AP2B1: variants seen among roughly 807,000 people sequenced by gnomAD.
AP2B1 encodes AP-2 complex subunit beta.
In AP2B1, 23 loss-of-function variants were observed where a neutral mutation model predicts 102.0. The ratio of observed to expected loss-of-function variants is 0.23; its 90% CI spans 0.16 to 0.32. The LOEUF is 0.32. Among genes scored for constraint, AP2B1 ranks in the 10% least tolerant of loss-of-function variants. The probability of loss-of-function intolerance (pLI) is 1.00; values close to 1 mark genes in which losing one functional copy is unlikely to be tolerated. For missense variants in AP2B1, 541 were observed against 1,157.4 expected, an observed-to-expected ratio of 0.47 and a Z score of 7.73; for synonymous variants, 381 against 421.2, an observed-to-expected ratio of 0.90 and a Z score of 1.17.
Position 35,672,010 on chromosome 17 carries a change from T to C in AP2B1, c.2178+110T>C, listed in dbSNP as rs2075599952. On this transcript the variant is annotated intron_variant, in intron 16 of 21. Transcript: ENST00000610402. ...GGTAATAAATCAAAGGTTTGGGCCCTTGTTCTGGAGGACTTAGAGGAAGAT... is the reference window on the plus strand; with the variant it reads ...GGTAATAAATCAAAGGTTTGGGCCCCTGTTCTGGAGGACTTAGAGGAAGAT... The C allele has an allele frequency of 4.6e-6, 6 of 1,295,522 alleles. No individual in the cohort carries two copies. The South Asian group carries it at 6.3e-5, about 14-fold the overall frequency. The allele number at this position is 1,295,522 out of a possible 1,614,324, so 80.3% of individuals were successfully genotyped here.
rs369824252 is a variant in AP2B1, at chr17:35,624,381, C to T, written c.526-16C>T. 53 of 1,613,232 alleles carry T rather than the reference C, an allele frequency of 3.3e-5. No homozygotes were observed. The African/African-American group carries it at 5.5e-4, about 17-fold the overall frequency. ...CTGTTCTTGGTGAATCAAGGTCATA[C>T]CCCCTTCTTTTCCAGGTGGTGGCTA... On this transcript the variant is annotated splice_polypyrimidine_tract_variant and intron_variant, in intron 5 of 21. Transcript: ENST00000610402.
intron 12 of AP2B1, among the ~76,000 whole-genome samples, chr17:35,648,766 G>GTGTGTGTGTGTA (rs1567897325): frequency 6.8e-6 from 1 of 147,718 alleles, no homozygotes; most frequent in African/African-American, 2.5e-5. Flanking sequence ...GTGTGTGTGT[G>GTGTGTGTGTGTA]TGTGTGTGAC....
chr17:35,613,567 T>G (rs575366164), intron 5 of AP2B1, among the ~76,000 whole-genome samples: 45 of 152,332 alleles, frequency 3.0e-4, no homozygotes, highest in South Asian at 2.3e-3. Flanking sequence ...AGCTTTATGT[T>G]CATGTTGTTT....
At position 35,609,604 on chromosome 17, in the gene AP2B1, C is replaced by T. The variant is rs114796363; in HGVS notation, c.525+1217C>T. 8.4e-3 allele frequency among the ~76,000 whole-genome samples: 1,286 copies of T among 152,238 alleles called. 11 individuals are homozygous for T. Among genetic ancestry groups the T allele is most frequent in the African/African-American group, 0.026 (1,065 of 41,540 alleles). On this transcript the variant is annotated intron_variant, in intron 5 of 21. Coordinates refer to ENST00000610402, the MANE Select transcript of AP2B1 (RefSeq NM_001030006.2). ...CCTCGTGATCCACCTGACATGGCCT[C>T]CCAAAGTGTTGGGATTACATGTGTG...
chr17:35,661,095 C>A (rs2075348600), intron 14 of AP2B1, among the ~76,000 whole-genome samples: 1 of 152,062 alleles, frequency 6.6e-6, no homozygotes, highest in Non-Finnish European at 1.5e-5. Flanking sequence ...CTAACAGAAC[C>A]TCACCCATAG....
chr17:35,680,618 G>A (rs934563298), intron 17 of AP2B1, among the ~76,000 whole-genome samples: 9 of 151,588 alleles, frequency 5.9e-5, no homozygotes, highest in Non-Finnish European at 1.2e-4. Context: ...TGATCCACTC[G>A]CCTGGCCTGG....
In AP2B1 at chr17:35,641,170, C is replaced by T. The variant is rs763535211; in HGVS notation, c.1438-707C>T. On this transcript the variant is annotated intron_variant, in intron 11 of 21. Transcript: ENST00000610402. The stretch of plus-strand genomic sequence containing the variant: ...TACTGTCTTGGCTCTTGCCCCAGTA[C>T]GACAGATGATTCCATAATTCCCCCC... Among the ~76,000 whole-genome samples the T allele has an allele frequency of 6.6e-5, 10 of 152,272 alleles. No homozygotes were observed. In the South Asian group the frequency reaches 1.0e-3, roughly 16 times the overall value.
chr17:35,629,393 G>GT (rs1317681694), intron 9 of AP2B1, among the ~76,000 whole-genome samples: 3 of 151,862 alleles, frequency 2.0e-5, no homozygotes, highest in South Asian at 2.1e-4. Flanking sequence ...CTGTCTTCTT[G>GT]TTTTTTCTAC....
At chr17:35,603,165 T>C (rs1383061438) in intron 3 of AP2B1, among the ~76,000 whole-genome samples, 2 of 152,236 alleles carry the variant, frequency 1.3e-5, no homozygotes, top group Non-Finnish European at 2.9e-5. Context: ...TATAGGACCA[T>C]TGTATATACC....
chr17:35,714,457 A>G (rs1481898336), intron 20 of AP2B1, among the ~76,000 whole-genome samples: 1 of 152,230 alleles, frequency 6.6e-6, no homozygotes, highest in African/African-American at 2.4e-5. Context: ...TAAAGTAGAA[A>G]GATAAAAGAA....
At chr17:35,597,903 G>C (rs963172651) in intron 2 of AP2B1, among the ~76,000 whole-genome samples, 1 of 152,202 alleles carries the variant, frequency 6.6e-6, no homozygotes, top group African/African-American at 2.4e-5. Flanking sequence ...TTAACATTCT[G>C]ATGGAAGATC....
intron 18 of AP2B1, among the ~76,000 whole-genome samples, chr17:35,689,692 A>G (rs2076004397): frequency 6.6e-6 from 1 of 152,344 alleles, no homozygotes; most frequent in South Asian, 2.1e-4. Context: ...TATGATAGCC[A>G]CTAGCCACAT....
intron 14 of AP2B1, among the ~76,000 whole-genome samples, chr17:35,663,046 C>T (rs995754068): frequency 2.0e-5 from 3 of 152,182 alleles, no homozygotes; most frequent in African/African-American, 7.2e-5. Flanking sequence ...ATTATTAAGT[C>T]ATAAGCTATT....
At chr17:35,697,966 T>C (rs587642041) in intron 18 of AP2B1, among the ~76,000 whole-genome samples, 2 of 152,270 alleles carry the variant, frequency 1.3e-5, no homozygotes, top group Admixed American at 6.5e-5. Flanking sequence ...TCTCAAAAGC[T>C]AGGGCAAAAA....
chr17:35,676,032 T>G (rs1397234924), intron 17 of AP2B1, among the ~76,000 whole-genome samples: 1 of 152,172 alleles, frequency 6.6e-6, no homozygotes, highest in Non-Finnish European at 1.5e-5. Flanking sequence ...TCCTTAAAAT[T>G]TATCTCCTCC....
At chr17:35,676,272 A>G (rs150317765) in intron 17 of AP2B1, among the ~76,000 whole-genome samples, 420 of 151,920 alleles carry the variant, frequency 2.8e-3, no homozygotes, top group Non-Finnish European at 4.3e-3. Flanking sequence ...TTTATTCTCT[A>G]TGTTTCTTAC....
intron 21 of AP2B1, among the ~76,000 whole-genome samples, chr17:35,720,571 ATATTTTTTTTT>A (rs1269667481): frequency 4.3e-4 from 19 of 44,192 alleles, no homozygotes; most frequent in African/African-American, 1.1e-3. Flanking sequence ...ATATATATAT[ATATTTTTTTTT>A]TTTTTTTTTT....
intron 13 of AP2B1, among the ~76,000 whole-genome samples, chr17:35,651,443 A>G (rs1191966162): frequency 6.6e-6 from 1 of 152,120 alleles, no homozygotes; most frequent in Non-Finnish European, 1.5e-5. Flanking sequence ...CAGAAGAAAC[A>G]CTCTAATAAA....
intron 17 of AP2B1, 132 bp downstream of exon 17, chr17:35,674,453 C>G: frequency 8.8e-7 from 1 of 1,139,498 alleles, no homozygotes; most frequent in South Asian, 1.6e-5. Flanking sequence ...CCTATAATCC[C>G]AGCATTTGGG....
Sources: gnomAD v4.1 joint callset for allele counts (sites outside exome capture counted in the v4.1 genomes callset) on GRCh38, gnomAD v4.1.1 for gene constraint, MANE v1.5 for transcripts, NCBI Gene and HGNC (gene_info 2026-07-23, HGNC 2026-07-21) for gene names.